Variants in ASAP1 observed in about 807,000 individuals in gnomAD.
ASAP1 encodes the protein arf-GAP with SH3 domain, ANK repeat and PH domain-containing protein 1.
A neutral mutation model predicts 145.2 loss-of-function variants in ASAP1; 43 were observed. That is an observed-to-expected ratio of 0.30 (90% CI 0.23 to 0.38). The LOEUF is 0.38. ASAP1 is among the 10% of genes least tolerant of loss of function. The pLI, the probability that ASAP1 is intolerant of heterozygous loss-of-function variation, is 1.00. For synonymous variants in ASAP1, 546 were observed against 515.5 expected, an observed-to-expected ratio of 1.06 and a Z score of -0.80; for missense variants, 1,018 against 1,355.3, an observed-to-expected ratio of 0.75 and a Z score of 3.91.
At position 130,136,989 on chromosome 8, in the gene ASAP1, G is replaced by A; in HGVS notation, c.1130C>T (p.Pro377Leu). The A allele has an allele frequency of 1.1e-5, 17 of 1,614,230 alleles. No individual in the cohort carries two copies. Among genetic ancestry groups the A allele is most frequent in the Non-Finnish European group, 1.4e-5 (17 of 1,180,040 alleles). ...AAAAGATTTTTTGTCTTCGGCATTA[G>A]GTTTTACTTGGCAGGTGAGAAGGTT... ...KLNLLTCQVK[P>L]NAEDKKSFDL... The change falls in exon 14 of 30, where the codon CCT becomes CTT. Residue 377 changes from proline (P) to leucine (L), a missense_variant. Coordinates refer to ENST00000518721, the MANE Select transcript of ASAP1 (RefSeq NM_018482.4).
chr8:130,063,526 C>A (rs141045282), intron 27 of ASAP1, among the ~76,000 whole-genome samples: 2 of 152,258 alleles, frequency 1.3e-5, no homozygotes, highest in African/African-American at 4.8e-5. Flanking sequence ...TACACTGGCC[C>A]AGGTGACTCA....
intron 23 of ASAP1, among the ~76,000 whole-genome samples, chr8:130,113,721 CTCTTTG>C (rs1002345084): frequency 4.0e-5 from 6 of 151,892 alleles, no homozygotes; most frequent in African/African-American, 1.5e-4. Context: ...TTGCTAAATT[CTCTTTG>C]TAAGTTTTCT....
chr8:130,097,032 A>C (rs958462063), intron 24 of ASAP1, among the ~76,000 whole-genome samples: 2 of 143,818 alleles, frequency 1.4e-5, no homozygotes, highest in African/African-American at 5.1e-5. Context: ...AGGCTGAGGC[A>C]GGAGAATCGC....
chr8:130,101,732 A>ATTTTTTTTTTT lies in ASAP1; in HGVS notation c.2402-9600_2402-9590dup, dbSNP rs59778799. ...AGGCATGTGCTACCACACCTGGTTAATTTTTTTTTTTTTTTTTTTTGCAGA... is the reference window on the plus strand; with the variant it reads ...AGGCATGTGCTACCACACCTGGTTAATTTTTTTTTTTTTTTTTTTTTTTTTTTTTTTGCAGA... On this transcript the variant is annotated intron_variant, in intron 24 of 29. Coordinates refer to ENST00000518721, the MANE Select transcript of ASAP1 (RefSeq NM_018482.4). Among the ~76,000 whole-genome samples the ATTTTTTTTTTT allele has an allele frequency of 3.5e-3, 303 of 86,902 alleles. 32 individuals carry two copies. Among genetic ancestry groups the ATTTTTTTTTTT allele is most frequent in the African/African-American group, 0.013 (241 of 18,074 alleles). 57.0% of individuals were successfully genotyped at this position (86,902 alleles called of 152,430 possible). A position where few individuals can be genotyped will look rare whatever the true frequency, so the allele number is the denominator to read the frequency against.
chr8:130,267,470 A>T (rs115742708), intron 3 of ASAP1, among the ~76,000 whole-genome samples: 3,965 of 152,296 alleles, frequency 0.026, 63 homozygotes, highest in Middle Eastern at 0.044. Flanking sequence ...ATGAGATGGG[A>T]ATAAGAATAT....
chr8:130,361,776 A>C (rs1373785004), intron 2 of ASAP1: 2 of 1,526,702 alleles, frequency 1.3e-6, no homozygotes, highest in East Asian at 2.4e-5. Context: ...GGATATCTGA[A>C]AGCAAATAGA....
In ASAP1 at chr8:130,283,349, G is replaced by A. The variant is rs143950916; in HGVS notation, c.187-46355C>T. On this transcript the variant is annotated intron_variant, in intron 3 of 29. Transcript: ENST00000518721. Reference sequence around the variant, plus strand: ...TAATCCCAGCACTTTGGGAGGCTGAGGCGGGTGGATCACGAGGTCAAGAGA... The same window carrying A: ...TAATCCCAGCACTTTGGGAGGCTGAAGCGGGTGGATCACGAGGTCAAGAGA... 8.3e-3 allele frequency among the ~76,000 whole-genome samples: 1,266 copies of A among 152,276 alleles called. 19 individuals carry two copies. The highest frequency in any genetic ancestry group is 0.029 in the African/African-American group (1,217 of 41,544).
chr8:130,191,388 T>G (rs1815130657), intron 5 of ASAP1, among the ~76,000 whole-genome samples: 1 of 152,284 alleles, frequency 6.6e-6, no homozygotes, highest in Non-Finnish European at 1.5e-5. Context: ...CAAGAAATGA[T>G]TTTACTCACA....
intron 12 of ASAP1, among the ~76,000 whole-genome samples, chr8:130,154,484 G>A (rs2097653890): frequency 6.6e-6 from 1 of 152,176 alleles, no homozygotes; most frequent in Non-Finnish European, 1.5e-5. Flanking sequence ...CAGATAAGAA[G>A]AAATGGGCAG....
intron 18 of ASAP1, among the ~76,000 whole-genome samples, chr8:130,119,366 T>C (rs1408820876): frequency 6.6e-6 from 1 of 152,086 alleles, no homozygotes; most frequent in Non-Finnish European, 1.5e-5. Flanking sequence ...CCTGCACAGG[T>C]TCAGTATGGG....
chr8:130,209,398 A>C (rs956573090), intron 5 of ASAP1, among the ~76,000 whole-genome samples: 1 of 152,194 alleles, frequency 6.6e-6, no homozygotes, highest in Non-Finnish European at 1.5e-5. Context: ...TTTCACAATA[A>C]TACTAAGAGG....
intron 27 of ASAP1, among the ~76,000 whole-genome samples, chr8:130,064,760 C>T (rs947798682): frequency 2.6e-5 from 4 of 152,180 alleles, no homozygotes; most frequent in Admixed American, 2.6e-4. Flanking sequence ...CAGTCGCAAG[C>T]CCAGGCCTCT....
chr8:130,064,904 TGTGTGTGTGTGTG>T, intron 27 of ASAP1, among the ~76,000 whole-genome samples: 1 of 116,914 alleles, frequency 8.6e-6, no homozygotes, highest in African/African-American at 3.2e-5. Flanking sequence ...TGTGTGTGTG[TGTGTGTGTGTGTG>T]TGTGTGTGTG....
chr8:130,416,015 T>C (rs1349121711), intron 1 of ASAP1, among the ~76,000 whole-genome samples: 8 of 152,198 alleles, frequency 5.3e-5, no homozygotes, highest in Non-Finnish European at 8.8e-5. Context: ...CTTTTCAAAA[T>C]GAAGTTTCCC....
At chr8:130,129,408 C>T (rs2097579932) in intron 15 of ASAP1, among the ~76,000 whole-genome samples, 1 of 152,124 alleles carries the variant, frequency 6.6e-6, no homozygotes, top group African/African-American at 2.4e-5. Context: ...AGAGGAATTG[C>T]CCGACTTTGT....
At chr8:130,405,817 A>AT (rs1255928181) in intron 1 of ASAP1, among the ~76,000 whole-genome samples, 2 of 152,212 alleles carry the variant, frequency 1.3e-5, no homozygotes, top group African/African-American at 2.4e-5. Flanking sequence ...TCTGAGAATG[A>AT]TTTTTTATTC....
intron 6 of ASAP1, among the ~76,000 whole-genome samples, chr8:130,187,786 C>T (rs560949560): frequency 6.6e-6 from 1 of 152,284 alleles, no homozygotes; most frequent in African/African-American, 2.4e-5. Context: ...GCGCCCTGGT[C>T]ATGCTGATGA....
intron 3 of ASAP1, 59 bp downstream of exon 3, chr8:130,357,958 C>G: frequency 6.5e-7 from 1 of 1,543,674 alleles, no homozygotes; most frequent in Non-Finnish European, 8.7e-7. Context: ...GAGAGGAGAT[C>G]CTCCAGCTGC....
chr8:130,323,733 A>G (rs1824155750), intron 3 of ASAP1, among the ~76,000 whole-genome samples: 1 of 152,190 alleles, frequency 6.6e-6, no homozygotes, highest in African/African-American at 2.4e-5. Flanking sequence ...AATTAGGCAT[A>G]CTATGTATGT....
Sources: gnomAD v4.1 joint callset for allele counts (sites outside exome capture counted in the v4.1 genomes callset) on GRCh38, gnomAD v4.1.1 for gene constraint, MANE v1.5 for transcripts, NCBI Gene and HGNC (gene_info 2026-07-23, HGNC 2026-07-21) for gene names.